The following CTIF variants were observed in gnomAD, a reference collection of about 807,000 sequenced individuals.
CTIF encodes cap binding complex dependent translation initiation factor.
Under a neutral mutation model 66.0 loss-of-function variants are expected in CTIF, and 21 were observed. The observed-to-expected ratio is 0.32, with a 90% confidence interval of 0.23 to 0.46. CTIF has a LOEUF of 0.46. Among genes scored for constraint, CTIF ranks in the 20% least tolerant of loss-of-function variants. The pLI is 1.00. For missense variants in CTIF, 739 were observed against 812.7 expected, an observed-to-expected ratio of 0.91 and a Z score of 1.10; for synonymous variants, 345 against 326.4, an observed-to-expected ratio of 1.06 and a Z score of -0.62.
At chr18:48,560,266 G>A (rs2089124941) in intron 1 of CTIF, among the ~76,000 whole-genome samples, 1 of 144,524 alleles carries the variant, frequency 6.9e-6, no homozygotes, top group Admixed American at 7.1e-5. Context: ...TCGCTCTGTT[G>A]CCCAGGCCGG....
intron 7 of CTIF, among the ~76,000 whole-genome samples, chr18:48,756,813 G>C (rs1290561698): frequency 6.6e-6 from 1 of 152,238 alleles, no homozygotes; most frequent in Non-Finnish European, 1.5e-5. Context: ...TTTGGGGTTT[G>C]TTCCTGCTGC....
intron 7 of CTIF, among the ~76,000 whole-genome samples, chr18:48,731,070 G>A (rs1170929874): frequency 1.3e-5 from 2 of 152,160 alleles, no homozygotes; most frequent in Non-Finnish European, 2.9e-5. Context: ...TGAGAAAGAA[G>A]AAGCTGAGAA....
chr18:48,671,553 CA>C, intron 6 of CTIF, among the ~76,000 whole-genome samples: 1 of 152,298 alleles, frequency 6.6e-6, no homozygotes, highest in African/African-American at 2.4e-5. Context: ...TTGGGCCTAT[CA>C]ATGAGAGACA....
chr18:48,610,486 A>T (rs1234145845), intron 1 of CTIF, among the ~76,000 whole-genome samples: 1 of 151,882 alleles, frequency 6.6e-6, no homozygotes, highest in Non-Finnish European at 1.5e-5. Context: ...TTGCTGTTTC[A>T]GTGTTCTTCC....
chr18:48,778,760 T>G (rs1270764902), intron 9 of CTIF, among the ~76,000 whole-genome samples: 3 of 152,094 alleles, frequency 2.0e-5, no homozygotes, highest in Non-Finnish European at 4.4e-5. Flanking sequence ...AGCCAGGAGG[T>G]GAGCACCTTG....
At chr18:48,830,104 G>A (rs569040203) in intron 10 of CTIF, among the ~76,000 whole-genome samples, 1 of 152,316 alleles carries the variant, frequency 6.6e-6, no homozygotes, top group Admixed American at 6.5e-5. Context: ...GGTTTCGGAG[G>A]CAGACAGTCT....
chr18:48,805,595 G>A (rs2068129625), intron 9 of CTIF, among the ~76,000 whole-genome samples: 1 of 151,928 alleles, frequency 6.6e-6, no homozygotes, highest in Non-Finnish European at 1.5e-5. Flanking sequence ...CCTGGGAAGG[G>A]GGAAAAAAAA....
intron 10 of CTIF, among the ~76,000 whole-genome samples, chr18:48,847,302 G>T (rs2069102471): frequency 8.3e-6 from 1 of 120,010 alleles, no homozygotes; most frequent in South Asian, 3.0e-4. Flanking sequence ...GCAAGACTCC[G>T]TCTCAAAAAA....
chr18:48,655,636 C>T (rs921490053), intron 3 of CTIF, among the ~76,000 whole-genome samples: 7 of 152,164 alleles, frequency 4.6e-5, no homozygotes, highest in East Asian at 1.9e-4. Flanking sequence ...AGCCCAGCTG[C>T]TCAGTGACTG....
chr18:48,779,747 C>T (rs1259014876), intron 9 of CTIF, among the ~76,000 whole-genome samples: 1 of 152,216 alleles, frequency 6.6e-6, no homozygotes, highest in African/African-American at 2.4e-5. Context: ...AAGAATGGTT[C>T]CTTGTCCTCC....
chr18:48,856,853 A>G (rs1568273233), intron 10 of CTIF, among the ~76,000 whole-genome samples: 1 of 152,190 alleles, frequency 6.6e-6, no homozygotes, highest in Admixed American at 6.5e-5. Flanking sequence ...AATTCTGGGG[A>G]TATCCTAAAA....
At chr18:48,852,858 A>G (rs1166562132) in intron 10 of CTIF, among the ~76,000 whole-genome samples, 1 of 152,188 alleles carries the variant, frequency 6.6e-6, no homozygotes, top group Non-Finnish European at 1.5e-5. Context: ...ATTATCACCA[A>G]ATTGCCATCT....
In CTIF at chr18:48,715,659, C is replaced by A. The variant is rs576746819; in HGVS notation, c.584+3964C>A. On this transcript the variant is annotated intron_variant, in intron 7 of 11. Transcript: ENST00000256413. ...GAGGATATTTTCTCTCCCCACCACA[C>A]CCTGGCTGCATTTAAGAGATGAACA... is the stretch of plus-strand genomic sequence containing the variant. 3.9e-5 allele frequency among the ~76,000 whole-genome samples: 6 copies of A among 152,326 alleles called. No homozygotes were observed. The East Asian group carries it at 7.7e-4, about 20-fold the overall frequency.
At chr18:48,719,109 C>G (rs368789471) in intron 7 of CTIF, among the ~76,000 whole-genome samples, 1 of 152,176 alleles carries the variant, frequency 6.6e-6, no homozygotes, top group South Asian at 2.1e-4. Flanking sequence ...ACTCTCAATA[C>G]GAAAATATGC....
intron 1 of CTIF, among the ~76,000 whole-genome samples, chr18:48,607,508 A>C (rs1281303072): frequency 6.6e-6 from 1 of 152,164 alleles, no homozygotes; most frequent in Non-Finnish European, 1.5e-5. Flanking sequence ...GCTGCTGACC[A>C]TTTTCTACTT....
At chr18:48,825,477 G>A (rs188157103) in intron 10 of CTIF, among the ~76,000 whole-genome samples, 158 of 152,346 alleles carry the variant, frequency 1.0e-3, no homozygotes, top group Admixed American at 1.6e-3. Flanking sequence ...AACTTTTTGC[G>A]TGAGTGTGCA....
At chr18:48,689,273 G>A (rs965450186) in intron 6 of CTIF, among the ~76,000 whole-genome samples, 6 of 152,198 alleles carry the variant, frequency 3.9e-5, no homozygotes, top group Admixed American at 3.9e-4. Context: ...ATTAGAAAGA[G>A]GTGCCCCTTC....
intron 6 of CTIF, among the ~76,000 whole-genome samples, chr18:48,705,656 C>T (rs539308964): frequency 1.1e-4 from 17 of 152,220 alleles, no homozygotes; most frequent in Non-Finnish European, 1.5e-4. Flanking sequence ...CAGCAACGGT[C>T]CTCGGAATGC....
At position 48,646,621 on chromosome 18, in the gene CTIF, C is replaced by T. The variant is rs921849199; in HGVS notation, c.252+9936C>T. Among the ~76,000 whole-genome samples the T allele has an allele frequency of 2.6e-5, 4 of 151,890 alleles. No homozygotes were observed. The East Asian group carries it at 5.8e-4, about 22-fold the overall frequency. On this transcript the variant is annotated intron_variant, in intron 3 of 11. Transcript: ENST00000256413. ...CATTAGCTGGGCATAGTGGCACATA[C>T]CTGTGGTTCCAGCTGCTCGGAAGGC...
Sources: allele counts gnomAD v4.1 joint callset (sites outside exome capture counted in the v4.1 genomes callset), GRCh38; gene constraint gnomAD v4.1.1; transcripts MANE v1.5; gene names NCBI Gene and HGNC (gene_info 2026-07-23, HGNC 2026-07-21).